The following GLIPR1L2 variants were observed in gnomAD, a reference collection of about 807,000 sequenced individuals.
GLIPR1L2 encodes GLIPR1-like protein 2.
A neutral mutation model predicts 28.4 loss-of-function variants in GLIPR1L2; 21 were observed. The ratio of observed to expected loss-of-function variants is 0.74; its 90% CI spans 0.52 to 1.06. The LOEUF (loss-of-function observed/expected upper bound fraction) is 1.06, where lower values mean the gene tolerates loss of function less well. Among genes scored for constraint, GLIPR1L2 ranks in the 50% least tolerant of loss-of-function variants. The pLI, the probability that GLIPR1L2 is intolerant of heterozygous loss-of-function variation, is 0.00. For synonymous variants in GLIPR1L2, 145 were observed against 139.3 expected, an observed-to-expected ratio of 1.04 and a Z score of -0.29; for missense variants, 476 against 416.9, an observed-to-expected ratio of 1.14 and a Z score of -1.23.
chr12:75,402,028 C>T (rs1386620607), intron 1 of GLIPR1L2, among the ~76,000 whole-genome samples: 1 of 151,910 alleles, frequency 6.6e-6, no homozygotes, highest in Admixed American at 6.6e-5. Flanking sequence ...TCGTGATAAG[C>T]CTCAGGGAAT....
intron 1 of GLIPR1L2, among the ~76,000 whole-genome samples, chr12:75,401,736 G>A (rs944491588): frequency 1.3e-5 from 2 of 151,914 alleles, no homozygotes; most frequent in Non-Finnish European, 2.9e-5. Context: ...CTTAACTAAG[G>A]AATTAAGCAA....
Position 75,391,217 on chromosome 12 carries a change from T to G in GLIPR1L2, c.101T>G (p.Leu34Arg). ...LKLRLCELWL[L>R]LLGSSLNARF... ...CTGCGGCTCTGTGAGCTGTGGCTAC[T>G]GCTACTGGGTTCTAGTTTGAACGCC... The change falls in exon 1 of 6, where the codon CTG (leucine) becomes CGG (arginine). Residue 34 changes from leucine to arginine, a missense_variant. Leu to Arg is a moderately radical substitution (Grantham distance 102). Coordinates refer to ENST00000550916, the MANE Select transcript of GLIPR1L2 (RefSeq NM_001270396.2). 1 of 1,614,204 alleles carries G rather than the reference T, an allele frequency of 6.2e-7. No individual in the cohort carries two copies.
At chr12:75,411,158 T>C (rs1034229495) in intron 2 of GLIPR1L2, among the ~76,000 whole-genome samples, 1 of 151,850 alleles carries the variant, frequency 6.6e-6, no homozygotes, top group African/African-American at 2.4e-5. Flanking sequence ...TTGAAGCACT[T>C]TTCATTTCAA....
intron 3 of GLIPR1L2, 72 bp from the exon 4 acceptor site, chr12:75,422,832 C>G (rs1543946): frequency 0.38 from 461,255 of 1,224,258 alleles, 88,829 homozygotes; most frequent in East Asian, 0.46. Flanking sequence ...AAATTAGTAA[C>G]TATATTATTT....
chr12:75,423,785 TC>T (rs1594029669), intron 4 of GLIPR1L2: 3 of 152,220 alleles, frequency 2.0e-5, no homozygotes, highest in African/African-American at 7.2e-5. Context: ...TTCTCATTGT[TC>T]AACTCCCACT....
At position 75,409,874 on chromosome 12, in the gene GLIPR1L2, T is replaced by A. The variant is rs2045847088; in HGVS notation, c.235-560T>A. The stretch of plus-strand genomic sequence containing the variant: ...AGATGTATATCTAATCCGATATATA[T>A]GATGTTTATCTAATCCAATATATAT... On this transcript the variant is annotated intron_variant, in intron 1 of 5. Transcript: ENST00000550916. Among the ~76,000 whole-genome samples, 6 of 148,656 alleles carry A rather than the reference T, an allele frequency of 4.0e-5. No individual in the cohort carries two copies. In the South Asian group the frequency reaches 1.1e-3, roughly 26 times the overall value.
intron 1 of GLIPR1L2, 109 bp from the exon 2 acceptor site, chr12:75,410,325 T>C (rs985946193): frequency 5.7e-6 from 6 of 1,061,674 alleles, no homozygotes; most frequent in Non-Finnish European, 7.8e-6. Context: ...GATGCACAAG[T>C]ACAAAGTTAG....
chr12:75,394,299 G>A (rs2045660413), intron 1 of GLIPR1L2, among the ~76,000 whole-genome samples: 1 of 151,820 alleles, frequency 6.6e-6, no homozygotes, highest in South Asian at 2.1e-4. Flanking sequence ...TGTTGTTATT[G>A]TATGTATTTT....
In GLIPR1L2 at chr12:75,431,210, G is replaced by A. The variant is rs920325608; in HGVS notation, c.*49G>A. ...TGTATCACCAATATAAACCAAAAGT[G>A]TAATACAAAAAAAGACAGAAAAAAA... is the stretch of plus-strand genomic sequence containing the variant. On this transcript the variant is annotated 3_prime_UTR_variant, in exon 6 of 6. Transcript: ENST00000550916. 4.3e-5 allele frequency: 23 copies of A among 536,474 alleles called. No individual in the cohort carries two copies. The highest frequency in any genetic ancestry group is 3.0e-4 in the Admixed American group (9 of 29,980). The allele number at this position is 536,474 out of a possible 1,614,324, so 33.2% of individuals were successfully genotyped here.
chr12:75,402,146 A>G (rs932244818), intron 1 of GLIPR1L2, among the ~76,000 whole-genome samples: 1 of 152,154 alleles, frequency 6.6e-6, no homozygotes, highest in African/African-American at 2.4e-5. Context: ...CAACCATGTT[A>G]ATAATATTAG....
chr12:75,426,914 TA>T (rs2046039872), intron 4 of GLIPR1L2, among the ~76,000 whole-genome samples: 1 of 152,000 alleles, frequency 6.6e-6, no homozygotes, highest in Admixed American at 6.6e-5. Flanking sequence ...TTCAATAAAC[TA>T]AAGGATGACA....
chr12:75,413,357 A>T (rs960643603), intron 2 of GLIPR1L2, among the ~76,000 whole-genome samples: 17 of 145,364 alleles, frequency 1.2e-4, no homozygotes, highest in Admixed American at 2.9e-4. Flanking sequence ...ATAATAAAAT[A>T]AAATTAAAAA....
intron 3 of GLIPR1L2, among the ~76,000 whole-genome samples, chr12:75,418,738 G>A (rs532112161): frequency 6.6e-6 from 1 of 152,216 alleles, no homozygotes; most frequent in South Asian, 2.1e-4. Context: ...GCTTGATGGG[G>A]ATAGCATTGA....
At chr12:75,429,368 A>G (rs2046067510) in intron 4 of GLIPR1L2, among the ~76,000 whole-genome samples, 1 of 152,080 alleles carries the variant, frequency 6.6e-6, no homozygotes, top group Non-Finnish European at 1.5e-5. Context: ...GTTTTGGCCA[A>G]TTTCTCCCAT....
intron 4 of GLIPR1L2, among the ~76,000 whole-genome samples, chr12:75,428,858 G>A (rs1310291811): frequency 6.6e-6 from 1 of 152,264 alleles, no homozygotes; most frequent in Non-Finnish European, 1.5e-5. Context: ...CACCTTGGCA[G>A]CATCCATGTG....
intron 1 of GLIPR1L2, among the ~76,000 whole-genome samples, chr12:75,403,795 C>A (rs1366269739): frequency 1.3e-5 from 2 of 152,086 alleles, no homozygotes; most frequent in African/African-American, 2.4e-5. Flanking sequence ...AACTTTAGAT[C>A]CCCTGCCCCC....
At chr12:75,397,755 G>A (rs1436236733) in intron 1 of GLIPR1L2, among the ~76,000 whole-genome samples, 1 of 152,064 alleles carries the variant, frequency 6.6e-6, no homozygotes, top group Non-Finnish European at 1.5e-5. Context: ...CTGACTTTCT[G>A]TCACTTCCTC....
Position 75,410,470 on chromosome 12 carries a change from T to A in GLIPR1L2, c.271T>A (p.Trp91Arg). 6.2e-7 allele frequency: 1 copy of A among 1,609,406 alleles called. No homozygotes were observed. The highest frequency in any genetic ancestry group is 1.1e-5 in the South Asian group (1 of 90,586). The change falls in exon 2 of 6, where the codon TGG (tryptophan) becomes AGG (arginine). Residue 91 changes from tryptophan (W) to arginine (R), a missense_variant. Transcript: ENST00000550916. ...DVALSRTARA[W>R]GKKCLFTHNI... ...AGCTTTATCACGGACTGCTAGAGCA[T>A]GGGGAAAAAAATGTTTGTTTACGCA...
chr12:75,404,358 A>T (rs145685678), intron 1 of GLIPR1L2, among the ~76,000 whole-genome samples: 1 of 152,088 alleles, frequency 6.6e-6, no homozygotes, highest in Non-Finnish European at 1.5e-5. Context: ...ACATTCCTCA[A>T]ACTCTCAGAA....
Sources: allele counts gnomAD v4.1 joint callset (sites outside exome capture counted in the v4.1 genomes callset), GRCh38; gene constraint gnomAD v4.1.1; transcripts MANE v1.5; gene names NCBI Gene and HGNC (gene_info 2026-07-23, HGNC 2026-07-21).